The following RABGAP1L variants were observed in gnomAD, a reference collection of about 807,000 sequenced individuals.
The protein encoded by RABGAP1L is RAB GTPase activating protein 1 like, also known as rab GTPase-activating protein 1-like.
In RABGAP1L, 63 loss-of-function variants were observed where a neutral mutation model predicts 137.7. That is an observed-to-expected ratio of 0.46 (90% confidence interval 0.37 to 0.56). RABGAP1L has a LOEUF of 0.56. RABGAP1L is among the 20% of genes least tolerant of loss of function. The pLI is 0.00. For missense variants in RABGAP1L, 1,095 were observed against 1,244.0 expected, an observed-to-expected ratio of 0.88 and a Z score of 1.80; for synonymous variants, 431 against 433.7, an observed-to-expected ratio of 0.99 and a Z score of 0.08.
At chr1:174,282,879 A>T (rs1462674033) in intron 10 of RABGAP1L, among the ~76,000 whole-genome samples, 1 of 152,152 alleles carries the variant, frequency 6.6e-6, no homozygotes, top group Non-Finnish European at 1.5e-5. Context: ...CTATAGAATT[A>T]GTTTGTCTAA....
intron 19 of RABGAP1L, among the ~76,000 whole-genome samples, chr1:174,915,458 C>T (rs746918836): frequency 6.6e-6 from 1 of 151,812 alleles, no homozygotes; most frequent in Non-Finnish European, 1.5e-5. Flanking sequence ...AGAGTTTTTG[C>T]CCTTTTTTCT....
intron 18 of RABGAP1L, among the ~76,000 whole-genome samples, chr1:174,784,008 CTTCTTTTTTTT>C (rs1687249214): frequency 9.0e-6 from 1 of 111,182 alleles, no homozygotes; most frequent in Non-Finnish European, 1.8e-5. Flanking sequence ...TCTTCTTCTT[CTTCTTTTTTTT>C]TTTTTTTTTT....
rs1364279491 is a variant in RABGAP1L at position 174,978,793 on chromosome 1, T to C, written c.2650-14T>C. ...TTGGCTAAATCCTGATATTTCTCAT[T>C]CTATTCTTTCTAGCTAAAAGAAGTC... On this transcript the variant is annotated splice_polypyrimidine_tract_variant and intron_variant, in intron 22 of 25. Transcript: ENST00000681986. The C allele has an allele frequency of 6.6e-7, 1 of 1,522,384 alleles. No individual in the cohort carries two copies. Among genetic ancestry groups the C allele is most frequent in the African/African-American group, 1.4e-5 (1 of 70,858 alleles). The allele number at this position is 1,522,384 out of a possible 1,614,324, so 94.3% of individuals were successfully genotyped here.
chr1:174,314,555 C>T (rs1204686077), intron 11 of RABGAP1L, among the ~76,000 whole-genome samples: 1 of 151,836 alleles, frequency 6.6e-6, no homozygotes, highest in Non-Finnish European at 1.5e-5. Context: ...GTTTGGTTTG[C>T]TTCTGCTTTT....
chr1:174,874,401 G>C, intron 19 of RABGAP1L: 1 of 914,032 alleles, frequency 1.1e-6, no homozygotes, highest in Non-Finnish European at 1.3e-6. Flanking sequence ...TAAATGACTT[G>C]CCCGGGGACG....
chr1:174,487,485 C>T (rs1256969203), intron 13 of RABGAP1L, among the ~76,000 whole-genome samples: 1 of 152,048 alleles, frequency 6.6e-6, no homozygotes, highest in African/African-American at 2.4e-5. Flanking sequence ...ATATCTTTTT[C>T]CATTCCTTTG....
intron 1 of RABGAP1L, among the ~76,000 whole-genome samples, chr1:174,162,777 GTTTTTTTTTTT>G (rs67811794): frequency 3.9e-5 from 2 of 51,556 alleles, no homozygotes; most frequent in Admixed American, 2.9e-4. Context: ...TTCTCTTTCT[GTTTTTTTTTTT>G]TTTTTTTTTT....
intron 19 of RABGAP1L, among the ~76,000 whole-genome samples, chr1:174,950,842 T>C (rs1318033545): frequency 6.6e-6 from 1 of 152,176 alleles, no homozygotes; most frequent in East Asian, 1.9e-4. Flanking sequence ...CTTCTGAAAA[T>C]GTTAACTTGG....
At chr1:174,824,399 G>T (rs952376148) in intron 19 of RABGAP1L, among the ~76,000 whole-genome samples, 3 of 152,232 alleles carry the variant, frequency 2.0e-5, no homozygotes, top group African/African-American at 7.2e-5. Flanking sequence ...GGAGGCTGAG[G>T]CAGGAGAGTC....
intron 18 of RABGAP1L, among the ~76,000 whole-genome samples, chr1:174,760,679 A>T (rs1374997523): frequency 6.6e-6 from 1 of 152,214 alleles, no homozygotes; most frequent in Non-Finnish European, 1.5e-5. Flanking sequence ...TCCTTTGGGC[A>T]TATACAAAGT....
At chr1:174,393,960 G>A in intron 12 of RABGAP1L, 35 bp from the exon 13 acceptor site, 2 of 1,601,830 alleles carry the variant, frequency 1.2e-6, no homozygotes, top group Non-Finnish European at 1.7e-6. Flanking sequence ...GAGTTGTAAA[G>A]GAAGTGTGAA....
intron 19 of RABGAP1L, among the ~76,000 whole-genome samples, chr1:174,861,708 T>C (rs551761214): frequency 6.6e-6 from 1 of 152,344 alleles, no homozygotes; most frequent in Non-Finnish European, 1.5e-5. Context: ...ATTAATGATG[T>C]TGAGCACCTT....
In RABGAP1L at chr1:174,530,790, T is replaced by TATACATAC. The variant is rs79486666; in HGVS notation, c.1711-106544_1711-106537dup. On this transcript the variant is annotated intron_variant, in intron 13 of 25. Coordinates refer to ENST00000681986, the MANE Select transcript of RABGAP1L (RefSeq NM_001366446.1). ...GTAAGACAATCAAAACCAAGATTTT[T>TATACATAC]ATACATACATACATACATACATACA... 5.2e-3 allele frequency among the ~76,000 whole-genome samples: 756 copies of TATACATAC among 146,524 alleles called. 5 individuals carry two copies. Among genetic ancestry groups the TATACATAC allele is most frequent in the Non-Finnish European group, 6.6e-3 (442 of 66,488 alleles).
chr1:174,864,525 GAATGC>G, intron 19 of RABGAP1L, among the ~76,000 whole-genome samples: 1 of 152,294 alleles, frequency 6.6e-6, no homozygotes, highest in South Asian at 2.1e-4. Flanking sequence ...GGAAGGAGAA[GAATGC>G]GAGCAAAATG....
intron 1 of RABGAP1L, among the ~76,000 whole-genome samples, chr1:174,162,142 T>G (rs926577613): frequency 6.6e-6 from 1 of 150,496 alleles, no homozygotes; most frequent in African/African-American, 2.4e-5. Context: ...GATTTAGATG[T>G]TTTCTTTTTA....
At chr1:174,374,425 C>T (rs1053077815) in intron 12 of RABGAP1L, among the ~76,000 whole-genome samples, 8 of 152,220 alleles carry the variant, frequency 5.3e-5, no homozygotes, top group East Asian at 1.9e-4. Context: ...TTACTTTTTA[C>T]GGGCCCAACA....
chr1:174,757,784 T>C (rs1436077864), intron 18 of RABGAP1L, among the ~76,000 whole-genome samples: 3 of 151,810 alleles, frequency 2.0e-5, no homozygotes, highest in African/African-American at 4.8e-5. Context: ...GTTCTGACAC[T>C]TTAGGGGGCC....
chr1:174,465,381 G>A (rs918234729), intron 13 of RABGAP1L, among the ~76,000 whole-genome samples: 4 of 151,388 alleles, frequency 2.6e-5, no homozygotes, highest in Non-Finnish European at 5.9e-5. Flanking sequence ...TGTACTTTTA[G>A]TAGGCTCTGG....
chr1:174,484,287 T>C (rs1384396607), intron 13 of RABGAP1L, among the ~76,000 whole-genome samples: 1 of 152,250 alleles, frequency 6.6e-6, no homozygotes, highest in Non-Finnish European at 1.5e-5. Flanking sequence ...GAGAACCTTA[T>C]AGATTCTGGT....
Sources: gnomAD v4.1 joint callset for allele counts (sites outside exome capture counted in the v4.1 genomes callset) on GRCh38, gnomAD v4.1.1 for gene constraint, MANE v1.5 for transcripts, NCBI Gene and HGNC (gene_info 2026-07-23, HGNC 2026-07-21) for gene names.